VWC2: variants seen among roughly 807,000 people sequenced by gnomAD.
The protein encoded by VWC2 is brorin.
A neutral mutation model predicts 29.8 loss-of-function variants in VWC2; 14 were observed. The observed-to-expected ratio is 0.47, with a 90% CI of 0.31 to 0.74. The LOEUF is 0.74. Ranked by LOEUF, VWC2 falls within the 30% of genes least tolerant of loss-of-function variation. VWC2 has a pLI of 0.05. For missense variants in VWC2, 457 were observed against 459.8 expected (o/e 0.99, Z 0.05); for synonymous variants, 213 against 199.0 (o/e 1.07, Z -0.59).
chr7:49,842,435 G>A (rs965105808), intron 3 of VWC2, among the ~76,000 whole-genome samples: 1 of 152,144 alleles, frequency 6.6e-6, no homozygotes, highest in Non-Finnish European at 1.5e-5. Context: ...ACTGAAGTCA[G>A]TATAGGGGAG....
In VWC2 at chr7:49,813,827, T is replaced by G. The variant is rs1789068453; in HGVS notation, c.826+10987T>G. On this transcript the variant is annotated intron_variant, in intron 3 of 3. Transcript: ENST00000340652. ...TACAGCTAGTTAGTACAGGTTGGCA[T>G]AAAATTAGACTGTAGGCTTGCTAGC... Among the ~76,000 whole-genome samples the G allele has an allele frequency of 2.0e-5, 3 of 152,170 alleles. No individual in the cohort carries two copies. In the South Asian group the frequency reaches 6.2e-4, roughly 32 times the overall value.
At chr7:49,774,497 G>C (rs115103131) in intron 1 of VWC2, among the ~76,000 whole-genome samples, 1 of 152,242 alleles carries the variant, frequency 6.6e-6, no homozygotes, top group East Asian at 1.9e-4. Flanking sequence ...CCGGGATCCA[G>C]CGAGTAGGAG....
rs71018432 is a variant in VWC2 at position 49,875,369 on chromosome 7, CAAAAAA to C, written c.827-36642_827-36637del. On this transcript the variant is annotated intron_variant, in intron 3 of 3. Coordinates refer to ENST00000340652, the MANE Select transcript of VWC2 (RefSeq NM_198570.5). ...TGGGTAACAGAGTGAGATTCTGACT[CAAAAAA>C]AAAAAAAAAAAAAAAAAAAAAACAG... Among the ~76,000 whole-genome samples, 34 of 19,010 alleles carry C rather than the reference CAAAAAA, an allele frequency of 1.8e-3. 1 individual carries two copies. In the East Asian group the frequency reaches 0.042, roughly 24 times the overall value. The allele number at this position is 19,010 out of a possible 152,430, so 12.5% of individuals were successfully genotyped here.
intron 3 of VWC2, among the ~76,000 whole-genome samples, chr7:49,811,340 T>G (rs1019108836): frequency 2.0e-5 from 3 of 152,074 alleles, no homozygotes; most frequent in African/African-American, 7.2e-5. Context: ...GGGAGGGAAA[T>G]AGTGGAGGTG....
intron 3 of VWC2, among the ~76,000 whole-genome samples, chr7:49,885,633 C>T (rs189840150): frequency 1.1e-4 from 17 of 152,340 alleles, no homozygotes; most frequent in Admixed American, 7.2e-4. Context: ...AATACCTCCT[C>T]TCATTTTATT....
intron 3 of VWC2, among the ~76,000 whole-genome samples, chr7:49,894,241 C>G (rs765716394): frequency 6.6e-6 from 1 of 152,240 alleles, no homozygotes; most frequent in South Asian, 2.1e-4. Flanking sequence ...ACCTCAGCCT[C>G]GACCACCCAG....
rs1205474643 is a variant in VWC2, at chr7:49,886,278, A to T, written c.827-25756A>T. On this transcript the variant is annotated intron_variant, in intron 3 of 3. Transcript: ENST00000340652. ...GAATCACTTTTAGTAAAAGTCCTTG[A>T]ATATGCAGACAATAGAGTACATTCC... Among the ~76,000 whole-genome samples the T allele has an allele frequency of 3.3e-5, 5 of 152,232 alleles. No homozygotes were observed. The South Asian group carries it at 1.0e-3, about 31-fold the overall frequency.
chr7:49,898,373 T>G (rs748082061), intron 3 of VWC2, among the ~76,000 whole-genome samples: 27 of 152,080 alleles, frequency 1.8e-4, no homozygotes, highest in Non-Finnish European at 2.9e-4. Flanking sequence ...TTTCTTTATT[T>G]AGATATGGGT....
chr7:49,809,418 T>C (rs1788949233), intron 3 of VWC2, among the ~76,000 whole-genome samples: 1 of 152,016 alleles, frequency 6.6e-6, no homozygotes, highest in Non-Finnish European at 1.5e-5. Flanking sequence ...ATATCTTTAC[T>C]GGTGAATTCT....
chr7:49,808,018 G>C (rs1788915916), intron 3 of VWC2, among the ~76,000 whole-genome samples: 1 of 152,038 alleles, frequency 6.6e-6, no homozygotes, highest in Admixed American at 6.6e-5. Flanking sequence ...TTTTCTTACT[G>C]AGTTTTAGGT....
chr7:49,792,255 A>C (rs1275427304), intron 2 of VWC2, among the ~76,000 whole-genome samples: 1 of 152,192 alleles, frequency 6.6e-6, no homozygotes, highest in Non-Finnish European at 1.5e-5. Flanking sequence ...TGAGCCACTC[A>C]CCGCTGTAAG....
Position 49,891,835 on chromosome 7 carries a change from T to C in VWC2, c.827-20199T>C, listed in dbSNP as rs73336262. Among the ~76,000 whole-genome samples, 923 of 152,282 alleles carry C rather than the reference T, an allele frequency of 6.1e-3. 10 individuals carry two copies. Among genetic ancestry groups the C allele is most frequent in the African/African-American group, 0.021 (883 of 41,552 alleles). On this transcript the variant is annotated intron_variant, in intron 3 of 3. Transcript: ENST00000340652. ...ATGTTTTACTTCATAATAGGTCCTT[T>C]TAATAGCTACCACTATAGTACTCTA...
chr7:49,829,291 C>T (rs1251519054), intron 3 of VWC2, among the ~76,000 whole-genome samples: 1 of 152,188 alleles, frequency 6.6e-6, no homozygotes, highest in Non-Finnish European at 1.5e-5. Context: ...TTTAGAAAAT[C>T]ATATCCCAGT....
intron 3 of VWC2, among the ~76,000 whole-genome samples, chr7:49,841,301 A>T (rs917238119): frequency 7.3e-6 from 1 of 136,432 alleles, no homozygotes; most frequent in African/African-American, 2.7e-5. Context: ...TAAGATGTTT[A>T]CACATTACTT....
chr7:49,821,240 T>C (rs1035148492), intron 3 of VWC2, among the ~76,000 whole-genome samples: 4 of 152,250 alleles, frequency 2.6e-5, no homozygotes, highest in African/African-American at 9.6e-5. Flanking sequence ...CAGTCATTGT[T>C]GGAGGCTGCA....
At chr7:49,800,188 G>GT (rs1176032878) in intron 2 of VWC2, among the ~76,000 whole-genome samples, 5 of 151,970 alleles carry the variant, frequency 3.3e-5, no homozygotes, top group African/African-American at 7.3e-5. Context: ...AGTAAGAAGT[G>GT]TTTTTTTTCC....
chr7:49,859,715 A>G (rs977397252), intron 3 of VWC2, among the ~76,000 whole-genome samples: 4 of 152,222 alleles, frequency 2.6e-5, no homozygotes. Context: ...AGTTTTCCTC[A>G]GAATGATCTT....
chr7:49,788,882 GGT>G (rs989703559), intron 2 of VWC2, among the ~76,000 whole-genome samples: 31 of 148,918 alleles, frequency 2.1e-4, no homozygotes, highest in Non-Finnish European at 4.0e-4. Flanking sequence ...GGGGTGTGAG[GGT>G]GTGTGTGGAG....
At chr7:49,803,791 C>T (rs1368747301) in intron 3 of VWC2, among the ~76,000 whole-genome samples, 3 of 152,142 alleles carry the variant, frequency 2.0e-5, no homozygotes, top group East Asian at 1.9e-4. Context: ...AGACAATTCC[C>T]AGAGTCTGTC....
Sources: gnomAD v4.1 joint callset for allele counts (sites outside exome capture counted in the v4.1 genomes callset) on GRCh38, gnomAD v4.1.1 for gene constraint, MANE v1.5 for transcripts, NCBI Gene and HGNC (gene_info 2026-07-23, HGNC 2026-07-21) for gene names.